ZHX2: variants seen among roughly 807,000 people sequenced by gnomAD.
ZHX2 encodes the protein zinc fingers and homeoboxes 2, also known as zinc fingers and homeoboxes protein 2.
Under a neutral mutation model 21.9 loss-of-function variants are expected in ZHX2, and 6 were observed. The ratio of observed to expected loss-of-function variants is 0.27; its 90% CI spans 0.15 to 0.54. The LOEUF (loss-of-function observed/expected upper bound fraction) is 0.54. Ranked by LOEUF, ZHX2 falls within the 20% of genes least tolerant of loss-of-function variation. The probability of loss-of-function intolerance (pLI) is 0.95; values close to 1 mark genes in which losing one functional copy is unlikely to be tolerated. For synonymous variants in ZHX2, 434 were observed against 437.1 expected (o/e 0.99, Z 0.09); for missense variants, 908 against 1,090.7 (o/e 0.83, Z 2.36).
intron 1 of ZHX2, among the ~76,000 whole-genome samples, chr8:122,843,637 G>T (rs555481729): frequency 6.6e-6 from 1 of 152,194 alleles, no homozygotes; most frequent in Non-Finnish European, 1.5e-5. Context: ...GATCTGGGGA[G>T]ACCCCACTTT....
At chr8:122,804,079 T>C (rs1202352494) in intron 1 of ZHX2, among the ~76,000 whole-genome samples, 9 of 152,194 alleles carry the variant, frequency 5.9e-5, no homozygotes, top group African/African-American at 2.2e-4. Flanking sequence ...AGGGATTCTT[T>C]CATTTTTGTC....
chr8:122,953,478 G>T lies in ZHX2; in HGVS notation c.1968G>T (p.Gln656His). 1 of 1,614,216 alleles carries T rather than the reference G, an allele frequency of 6.2e-7. No individual in the cohort carries two copies. The highest frequency in any genetic ancestry group is 8.5e-7 in the Non-Finnish European group (1 of 1,180,046). The change falls in exon 3 of 4, where the codon CAG becomes CAT. Residue 656 changes from glutamine to histidine, a missense_variant. Around this residue, in one of 4 missense-constraint regions of ZHX2, gnomAD observed 431 missense variants for 428.6 expected, o/e 1.01. Transcript: ENST00000314393. The surrounding 1 kb of genome is among the most constrained non-coding windows in gnomAD (Gnocchi z 4.6). ...TFARTQWPTP[Q>H]EYDQLAAKTG... ...CAAGAACCCAGTGGCCTACTCCCCA[G>T]GAGTACGACCAGTTAGCGGCCAAGA...
At chr8:122,944,344 G>T (rs1812916073) in intron 2 of ZHX2, among the ~76,000 whole-genome samples, 1 of 152,122 alleles carries the variant, frequency 6.6e-6, no homozygotes, top group South Asian at 2.1e-4. Flanking sequence ...TGGAGAATTT[G>T]CATTAATAGT....
At position 122,953,333 on chromosome 8, in the gene ZHX2, A is replaced by G. The variant is rs150834154; in HGVS notation, c.1823A>G (p.Asn608Ser). The change falls in exon 3 of 4, where the codon AAT (asparagine) becomes AGT (serine). Residue 608 changes from asparagine (N) to serine (S), a missense_variant. Asn to Ser is a conservative substitution (Grantham distance 46). Transcript: ENST00000314393. The surrounding 1 kb of genome is among the most constrained non-coding windows in gnomAD (Gnocchi z 4.6). The part of the protein sequence containing the change: ...GKKGQDVGAP[N>S]GALSRLDQLS... ...AAAGGCCAAGATGTGGGAGCCCCCA[A>G]TGGTGCTCTGTCTCGACTCGACCAG... The G allele has an allele frequency of 1.5e-4, 244 of 1,613,956 alleles. No individual in the cohort carries two copies. The highest frequency in any genetic ancestry group is 4.2e-4 in the Admixed American group (25 of 60,020).
chr8:122,931,274 A>G (rs543156238), intron 2 of ZHX2, among the ~76,000 whole-genome samples: 4 of 152,238 alleles, frequency 2.6e-5, no homozygotes, highest in African/African-American at 9.6e-5. Flanking sequence ...GGGCTCGTAC[A>G]CTGCTGCCTG....
intron 1 of ZHX2, among the ~76,000 whole-genome samples, chr8:122,808,439 G>A (rs755855596): frequency 5.3e-5 from 8 of 152,096 alleles, no homozygotes; most frequent in Non-Finnish European, 1.0e-4. Context: ...CAAGCAAAAG[G>A]GGGAAAAGCC....
chr8:122,790,860 A>C (rs989462267), intron 1 of ZHX2, among the ~76,000 whole-genome samples: 1 of 152,152 alleles, frequency 6.6e-6, no homozygotes, highest in Non-Finnish European at 1.5e-5. Context: ...CTCCCATCTC[A>C]GCCTCACAAA....
chr8:122,914,993 C>G (rs1400612720), intron 2 of ZHX2, among the ~76,000 whole-genome samples: 1 of 152,218 alleles, frequency 6.6e-6, no homozygotes, highest in East Asian at 1.9e-4. Context: ...ACAGCCATTA[C>G]AAGGCATGCT....
intron 1 of ZHX2, among the ~76,000 whole-genome samples, chr8:122,847,086 C>A (rs139556137): frequency 6.6e-6 from 1 of 152,152 alleles, no homozygotes; most frequent in Non-Finnish European, 1.5e-5. Flanking sequence ...CTGTGATGTC[C>A]CCACGCTCAG....
In ZHX2 at chr8:122,850,223, C is replaced by T. The variant is rs969776662; in HGVS notation, c.-282-13254C>T. ...GCAAGAGCCCCGTGTCGCACCCCCC[C>T]TCAGGTGCCCTTCATGTTTTGATGG... is the stretch of plus-strand genomic sequence containing the variant. On this transcript the variant is annotated intron_variant, in intron 1 of 3. Coordinates refer to ENST00000314393, the MANE Select transcript of ZHX2 (RefSeq NM_014943.5). 5.3e-5 allele frequency among the ~76,000 whole-genome samples: 8 copies of T among 152,292 alleles called. No homozygotes were observed. In the East Asian group the frequency reaches 1.2e-3, roughly 22 times the overall value.
chr8:122,906,312 A>G (rs1820345883), intron 2 of ZHX2, among the ~76,000 whole-genome samples: 1 of 152,272 alleles, frequency 6.6e-6, no homozygotes, highest in South Asian at 2.1e-4. Flanking sequence ...TATTACATTT[A>G]AAATGACATT....
chr8:122,882,376 G>T (rs1226853068), intron 2 of ZHX2, among the ~76,000 whole-genome samples: 1 of 151,628 alleles, frequency 6.6e-6, no homozygotes, highest in African/African-American at 2.4e-5. Flanking sequence ...GATAAGCTTT[G>T]CCCTTCTGCA....
chr8:122,835,681 G>A (rs1409794238), intron 1 of ZHX2, among the ~76,000 whole-genome samples: 1 of 152,114 alleles, frequency 6.6e-6, no homozygotes, highest in African/African-American at 2.4e-5. Context: ...AGGTAGGGTC[G>A]GGAAGAGAAA....
chr8:122,938,681 CA>C (rs1812766303), intron 2 of ZHX2, among the ~76,000 whole-genome samples: 1 of 151,550 alleles, frequency 6.6e-6, no homozygotes, highest in East Asian at 1.9e-4. Context: ...TACTAAAATA[CA>C]AAAAAAGTAG....
intron 2 of ZHX2, among the ~76,000 whole-genome samples, chr8:122,895,558 T>G (rs916076165): frequency 2.0e-5 from 3 of 152,196 alleles, no homozygotes; most frequent in Non-Finnish European, 2.9e-5. Context: ...CTGCTCTTTT[T>G]GTTGTTTCAT....
chr8:122,799,137 C>T (rs1275149172), intron 1 of ZHX2, among the ~76,000 whole-genome samples: 1 of 152,166 alleles, frequency 6.6e-6, no homozygotes, highest in Non-Finnish European at 1.5e-5. Context: ...AAGGAGCGAG[C>T]ATGACAGAAT....
intron 2 of ZHX2, among the ~76,000 whole-genome samples, chr8:122,941,915 C>T (rs962554123): frequency 9.9e-5 from 15 of 152,120 alleles, no homozygotes; most frequent in Admixed American, 4.6e-4. Context: ...CTCCAGGTGA[C>T]GTGTGATGGT....
rs768038649 is a variant in ZHX2, at chr8:122,953,072, C to T, written c.1562C>T (p.Thr521Met). The T allele has an allele frequency of 1.9e-5, 30 of 1,613,900 alleles. No individual in the cohort carries two copies. The highest frequency in any genetic ancestry group is 5.5e-5 in the South Asian group (5 of 91,082). The change falls in exon 3 of 4, where the codon ACG becomes ATG. Residue 521 changes from threonine (T) to methionine (M), a missense_variant. Around this residue, in one of 4 missense-constraint regions of ZHX2, gnomAD observed 431 missense variants for 428.6 expected, o/e 1.01. Transcript: ENST00000314393. The surrounding 1 kb of genome is among the most constrained non-coding windows in gnomAD (Gnocchi z 4.6). ...LAIAASRHGR[T>M]YHAYPDFAPQ... ...ATCGCGGCCTCCCGACACGGTCGCA[C>T]GTATCATGCGTACCCAGACTTTGCC...
chr8:122,848,450 A>G (rs1034616944), intron 1 of ZHX2, among the ~76,000 whole-genome samples: 2 of 152,110 alleles, frequency 1.3e-5, no homozygotes, highest in Non-Finnish European at 2.9e-5. Flanking sequence ...TTTATTCTTT[A>G]TAAACGGAAC....
Sources: gnomAD v4.1 joint callset for allele counts (sites outside exome capture counted in the v4.1 genomes callset) on GRCh38, gnomAD v4.1.1 for gene constraint, gnomAD v4.1.1 regional missense constraint, Gnocchi (gnomAD v3.1) non-coding constraint, MANE v1.5 for transcripts, NCBI Gene and HGNC (gene_info 2026-07-23, HGNC 2026-07-21) for gene names.